Variants in CWC27 observed in about 807,000 individuals in gnomAD.
CWC27 encodes the protein spliceosome-associated protein CWC27 homolog.
A neutral mutation model predicts 63.6 loss-of-function variants in CWC27; 47 were observed. The observed-to-expected ratio is 0.74, with a 90% CI of 0.58 to 0.94. The LOEUF (loss-of-function observed/expected upper bound fraction) is 0.94, where lower values mean the gene tolerates loss of function less well. Ranked by LOEUF, CWC27 falls within the 40% of genes least tolerant of loss-of-function variation. CWC27 has a pLI of 0.00. For synonymous variants in CWC27, 175 were observed against 179.8 expected (o/e 0.97, Z 0.22); for missense variants, 495 against 554.3 (o/e 0.89, Z 1.07).
chr5:65,013,543 G>T (rs1019937190), intron 13 of CWC27, among the ~76,000 whole-genome samples: 1 of 152,226 alleles, frequency 6.6e-6, no homozygotes, highest in African/African-American at 2.4e-5. Flanking sequence ...TGAAAGAAAT[G>T]AAATAAGGTT....
rs1743140192 is a variant in CWC27 at position 64,769,082 on chromosome 5, A to T, written c.-65A>T. The T allele has an allele frequency of 7.4e-7, 1 of 1,356,426 alleles. No homozygotes were observed. Among genetic ancestry groups the T allele is most frequent in the East Asian group, 2.3e-5 (1 of 43,448 alleles). 84.0% of individuals were successfully genotyped at this position (1,356,426 alleles called of 1,614,324 possible). On this transcript the variant is annotated 5_prime_UTR_variant, in exon 1 of 14. Transcript: ENST00000381070. ...AGGAAGAGTGTACTCGTAGGCGGAC[A>T]GCTTTAGTGGCCGGCCGGCCGCTCT...
chr5:64,810,187 T>TG (rs1438491718), intron 10 of CWC27, among the ~76,000 whole-genome samples: 1 of 152,200 alleles, frequency 6.6e-6, no homozygotes, highest in Admixed American at 6.5e-5. Flanking sequence ...ACACCTTTGT[T>TG]GAAAATCAAT....
intron 10 of CWC27, among the ~76,000 whole-genome samples, chr5:64,843,205 A>C (rs1176479114): frequency 2.0e-5 from 3 of 152,212 alleles, no homozygotes; most frequent in Non-Finnish European, 4.4e-5. Flanking sequence ...TTTGTTCAGC[A>C]AGAACTCTGA....
At chr5:65,004,658 ATCTT>A (rs1749795346) in intron 13 of CWC27, among the ~76,000 whole-genome samples, 1 of 150,062 alleles carries the variant, frequency 6.7e-6, no homozygotes, top group Non-Finnish European at 1.5e-5. Context: ...TTTGTTAAAT[ATCTT>A]TATTTTAAAT....
At chr5:64,831,371 T>C (rs1249258126) in intron 10 of CWC27, among the ~76,000 whole-genome samples, 1 of 151,552 alleles carries the variant, frequency 6.6e-6, no homozygotes, top group East Asian at 1.9e-4. Context: ...CTCACACTTG[T>C]AGAAGAGAGT....
rs1419045288 is a variant in CWC27 at position 64,881,359 on chromosome 5, T to G, written c.939-4084T>G. ...TAGTGTGTCTAAATCTTTGACTATT[T>G]AAGGATAGATTTTTAGAAGCAAGCA... On this transcript the variant is annotated intron_variant, in intron 10 of 13. Transcript: ENST00000381070. Among the ~76,000 whole-genome samples the G allele has an allele frequency of 2.0e-5, 3 of 152,256 alleles. No individual in the cohort carries two copies. In the East Asian group the frequency reaches 5.8e-4, roughly 29 times the overall value.
chr5:65,012,708 T>C (rs1222699069), intron 13 of CWC27, among the ~76,000 whole-genome samples: 1 of 152,236 alleles, frequency 6.6e-6, no homozygotes, highest in Non-Finnish European at 1.5e-5. Context: ...GTTCAAATAA[T>C]AGACTCAGAG....
intron 11 of CWC27, among the ~76,000 whole-genome samples, chr5:64,888,332 T>C (rs1297129691): frequency 6.8e-6 from 1 of 147,296 alleles, no homozygotes; most frequent in East Asian, 2.0e-4. Context: ...TATAATTAAC[T>C]ATATATAGTA....
intron 13 of CWC27, among the ~76,000 whole-genome samples, chr5:65,003,593 G>A (rs1749771896): frequency 6.6e-6 from 1 of 152,224 alleles, no homozygotes; most frequent in South Asian, 2.1e-4. Flanking sequence ...TGGTCTAGTG[G>A]GGAAATCCCT....
rs1182337050 is a variant in CWC27, at chr5:64,858,079, A to G, written c.939-27364A>G. 4.6e-4 allele frequency among the ~76,000 whole-genome samples: 56 copies of G among 122,088 alleles called. 1 individual carries two copies. The highest frequency in any genetic ancestry group is 1.8e-3 in the African/African-American group (56 of 31,694). The allele number at this position is 122,088 out of a possible 152,430, so 80.1% of individuals were successfully genotyped here. A position where few individuals can be genotyped will look rare whatever the true frequency, so the allele number is the denominator to read the frequency against. ...CGTGAACCCGGGAGGCGGAGCTTGC[A>G]GTGAGCCGAGATCGCGCCACTGCAC... On this transcript the variant is annotated intron_variant, in intron 10 of 13. Transcript: ENST00000381070.
At chr5:64,823,033 G>C (rs1419271726) in intron 10 of CWC27, among the ~76,000 whole-genome samples, 2 of 152,114 alleles carry the variant, frequency 1.3e-5, no homozygotes, top group Non-Finnish European at 2.9e-5. Context: ...TGAATATTTA[G>C]GTTCTGATGC....
intron 10 of CWC27, among the ~76,000 whole-genome samples, chr5:64,852,799 A>G (rs1420355291): frequency 1.3e-5 from 2 of 151,706 alleles, no homozygotes; most frequent in Non-Finnish European, 2.9e-5. Context: ...AATTAAATTA[A>G]GGGCTTTTCA....
At chr5:64,916,798 G>A (rs1747895435) in intron 11 of CWC27, among the ~76,000 whole-genome samples, 1 of 152,004 alleles carries the variant, frequency 6.6e-6, no homozygotes, top group Admixed American at 6.6e-5. Flanking sequence ...TGTAAAATTG[G>A]CATGTTCATT....
At chr5:64,877,217 G>A (rs1311141667) in intron 10 of CWC27, among the ~76,000 whole-genome samples, 2 of 152,006 alleles carry the variant, frequency 1.3e-5, no homozygotes, top group Non-Finnish European at 2.9e-5. Flanking sequence ...ATACACAATG[G>A]AATATTACTT....
In CWC27 at chr5:64,871,880, T is replaced by A. The variant is rs1193580958; in HGVS notation, c.939-13563T>A. 5.3e-5 allele frequency among the ~76,000 whole-genome samples: 8 copies of A among 152,120 alleles called. No individual in the cohort carries two copies. The East Asian group carries it at 1.2e-3, about 22-fold the overall frequency. ...TGAGCAAAAGCACTGTTTATCTAATTGCTCTTCTGTCTTGAAAAAGCAAGC... is the reference window on the plus strand; with the variant it reads ...TGAGCAAAAGCACTGTTTATCTAATAGCTCTTCTGTCTTGAAAAAGCAAGC... On this transcript the variant is annotated intron_variant, in intron 10 of 13. Coordinates refer to ENST00000381070, the MANE Select transcript of CWC27 (RefSeq NM_005869.4).
At chr5:65,015,677 A>C (rs1260679910) in intron 13 of CWC27, among the ~76,000 whole-genome samples, 1 of 152,188 alleles carries the variant, frequency 6.6e-6, no homozygotes, top group East Asian at 1.9e-4. Flanking sequence ...GATTGTAAGA[A>C]GTGTTGAAGA....
chr5:64,861,578 T>TA (rs1274226747), intron 10 of CWC27, among the ~76,000 whole-genome samples: 1 of 152,240 alleles, frequency 6.6e-6, no homozygotes, highest in East Asian at 1.9e-4. Flanking sequence ...GTGATTGATT[T>TA]AAAAATCAAG....
At chr5:64,788,881 AAAT>A (rs1743975146) in intron 6 of CWC27, 67 bp from the exon 7 acceptor site, 1 of 1,024,760 alleles carries the variant, frequency 9.8e-7, no homozygotes. Context: ...CTTGCTCTGA[AAAT>A]AAGGTATTTA....
intron 13 of CWC27, among the ~76,000 whole-genome samples, chr5:65,015,686 G>C (rs1580783711): frequency 6.6e-6 from 1 of 152,126 alleles, no homozygotes; most frequent in Admixed American, 6.5e-5. Context: ...AAGTGTTGAA[G>C]AAAAAGGCTA....
Sources: allele counts gnomAD v4.1 joint callset (sites outside exome capture counted in the v4.1 genomes callset), GRCh38; gene constraint gnomAD v4.1.1; transcripts MANE v1.5; gene names NCBI Gene and HGNC (gene_info 2026-07-23, HGNC 2026-07-21).